Variants in MBD5 observed in about 807,000 individuals in gnomAD.
The protein encoded by MBD5 is methyl-CpG-binding domain protein 5.
A neutral mutation model predicts 117.3 loss-of-function variants in MBD5; 13 were observed. That is an observed-to-expected ratio of 0.11 (90% CI 0.07 to 0.18). MBD5 has a LOEUF of 0.18. MBD5 is among the 10% of genes least tolerant of loss of function. The pLI, the probability that MBD5 is intolerant of heterozygous loss-of-function variation, is 1.00. For synonymous variants in MBD5, 727 were observed against 766.4 expected, an observed-to-expected ratio of 0.95 and a Z score of 0.85; for missense variants, 1,879 against 2,093.8, an observed-to-expected ratio of 0.90 and a Z score of 2.00.
chr2:148,461,887 G>A (rs146928559), intron 5 of MBD5, among the ~76,000 whole-genome samples: 121 of 152,254 alleles, frequency 7.9e-4, no homozygotes, highest in African/African-American at 2.8e-3. Flanking sequence ...CCGAAGACCT[G>A]CGAGGCACAT....
chr2:148,102,788 A>C (rs1696266326), intron 1 of MBD5, among the ~76,000 whole-genome samples: 2 of 147,802 alleles, frequency 1.4e-5, no homozygotes, highest in Non-Finnish European at 3.0e-5. Context: ...AGAGATCCAA[A>C]TCGTTTGTAT....
At chr2:148,409,729 T>G (rs1448224008) in intron 4 of MBD5, among the ~76,000 whole-genome samples, 1 of 152,222 alleles carries the variant, frequency 6.6e-6, no homozygotes, top group African/African-American at 2.4e-5. Context: ...CAAGGTATTT[T>G]GTGTTAAAGG....
rs1013683238 is a variant in MBD5, at chr2:148,086,291, G to C, written c.-925+64607G>C. 5.9e-5 allele frequency among the ~76,000 whole-genome samples: 9 copies of C among 152,014 alleles called. No homozygotes were observed. The East Asian group carries it at 1.7e-3, about 29-fold the overall frequency. On this transcript the variant is annotated intron_variant, in intron 1 of 13. Coordinates refer to ENST00000642680, the MANE Select transcript of MBD5 (RefSeq NM_001378120.1). The stretch of plus-strand genomic sequence containing the variant: ...ATTAGTAGTATAGTCATGTGACTCT[G>C]GAGTCACATATTTTGTAACTGTTAA...
rs112974582 is a variant in MBD5, at chr2:148,187,306, AC to A, written c.-831+8521del. Among the ~76,000 whole-genome samples the A allele has an allele frequency of 7.1e-5, 10 of 141,114 alleles. No homozygotes were observed. In the East Asian group the frequency reaches 1.0e-3, roughly 15 times the overall value. 92.6% of individuals were successfully genotyped at this position (141,114 alleles called of 152,430 possible). On this transcript the variant is annotated intron_variant, in intron 2 of 13. Coordinates refer to ENST00000642680, the MANE Select transcript of MBD5 (RefSeq NM_001378120.1). Reference sequence around the variant, plus strand: ...AACTGAACCCTCCCCCTTCCTCCATACCCCCCCCAAAAAAAAAACCCAGCAC... The same window carrying A: ...AACTGAACCCTCCCCCTTCCTCCATACCCCCCCAAAAAAAAAACCCAGCAC...
At chr2:148,170,092 T>G (rs1336767006) in intron 1 of MBD5, among the ~76,000 whole-genome samples, 1 of 152,000 alleles carries the variant, frequency 6.6e-6, no homozygotes, top group Non-Finnish European at 1.5e-5. Flanking sequence ...AGAGACGGGG[T>G]TTCACCGTTT....
chr2:148,278,230 C>G (rs1701160637), intron 3 of MBD5, among the ~76,000 whole-genome samples: 1 of 152,044 alleles, frequency 6.6e-6, no homozygotes, highest in South Asian at 2.1e-4. Flanking sequence ...GATCAGAGGG[C>G]TGGTTTATAT....
At chr2:148,309,057 C>A (rs1701965515) in intron 3 of MBD5, among the ~76,000 whole-genome samples, 1 of 152,026 alleles carries the variant, frequency 6.6e-6, no homozygotes, top group Non-Finnish European at 1.5e-5. Flanking sequence ...GTTGCTGTAG[C>A]CTTGTTGTAT....
rs774519380 is a variant in MBD5, at chr2:148,469,736, A to G, written c.1793A>G (p.Asn598Ser). The G allele has an allele frequency of 6.2e-6, 10 of 1,613,876 alleles. No homozygotes were observed. In the East Asian group the frequency reaches 1.8e-4, roughly 29 times the overall value. The change falls in exon 8 of 14, where the codon AAC becomes AGC. Residue 598 changes from asparagine to serine, a missense_variant. Coordinates refer to ENST00000642680, the MANE Select transcript of MBD5 (RefSeq NM_001378120.1). Reference sequence around the variant, plus strand: ...AATCAAAACAAACTTGCTGGTAACAACAGTAGCAGCAGTAGCAATTCTGGA... The same window carrying G: ...AATCAAAACAAACTTGCTGGTAACAGCAGTAGCAGCAGTAGCAATTCTGGA... ...LANQNKLAGN[N>S]SSSSSNSGAV...
chr2:148,345,344 TACATATACACATATAC>T (rs76473074), intron 4 of MBD5, among the ~76,000 whole-genome samples: 1 of 149,400 alleles, frequency 6.7e-6, no homozygotes, highest in East Asian at 2.0e-4. Flanking sequence ...TATACACATA[TACATATACACATATAC>T]ACATATACAT....
chr2:148,081,836 T>A (rs1417585261), intron 1 of MBD5, among the ~76,000 whole-genome samples: 1 of 152,184 alleles, frequency 6.6e-6, no homozygotes, highest in Non-Finnish European at 1.5e-5. Flanking sequence ...TATGGTTTTG[T>A]GGGAGAAATT....
At chr2:148,496,388 A>G (rs1427827367) in intron 11 of MBD5, among the ~76,000 whole-genome samples, 1 of 152,268 alleles carries the variant, frequency 6.6e-6, no homozygotes, top group Non-Finnish European at 1.5e-5. Context: ...TAAGCTGAGT[A>G]AAAGAACTGT....
intron 2 of MBD5, among the ~76,000 whole-genome samples, chr2:148,209,903 C>T (rs1467680579): frequency 1.3e-5 from 2 of 152,148 alleles, no homozygotes; most frequent in Non-Finnish European, 2.9e-5. Context: ...TATTTGTCCC[C>T]ATGATCCAAA....
intron 12 of MBD5, among the ~76,000 whole-genome samples, chr2:148,503,616 C>A (rs1170757434): frequency 6.6e-6 from 1 of 152,196 alleles, no homozygotes; most frequent in African/African-American, 2.4e-5. Flanking sequence ...CTGCAAGGGG[C>A]AAACTCCTAT....
intron 1 of MBD5, among the ~76,000 whole-genome samples, chr2:148,135,433 CTTTA>C (rs1276022409): frequency 1.3e-5 from 2 of 152,080 alleles, no homozygotes; most frequent in Non-Finnish European, 2.9e-5. Flanking sequence ...AGACAACATA[CTTTA>C]TTTAACTATT....
intron 1 of MBD5, among the ~76,000 whole-genome samples, chr2:148,164,107 C>T (rs527278350): frequency 1.3e-5 from 2 of 152,266 alleles, no homozygotes; most frequent in South Asian, 4.2e-4. Context: ...CACAAACAGT[C>T]CTACTAGGTA....
At chr2:148,292,187 C>A (rs1022901321) in intron 3 of MBD5, among the ~76,000 whole-genome samples, 1 of 152,142 alleles carries the variant, frequency 6.6e-6, no homozygotes, top group African/African-American at 2.4e-5. Context: ...CCCATGAGCA[C>A]AGGCAGCCAA....
At chr2:148,212,797 AT>A (rs1194767073) in intron 2 of MBD5, among the ~76,000 whole-genome samples, 1 of 152,314 alleles carries the variant, frequency 6.6e-6, no homozygotes, top group African/African-American at 2.4e-5. Context: ...CTAGGTAAAC[AT>A]TCACTAGACC....
At chr2:148,053,902 CTTTTTTTCT>C (rs1694785759) in intron 1 of MBD5, 1 of 125,690 alleles carries the variant, frequency 8.0e-6, no homozygotes, top group Non-Finnish European at 1.7e-5. Context: ...ATCTTTCTTT[CTTTTTTTCT>C]TTTTTTTTTT....
chr2:148,136,550 T>C (rs536653040), intron 1 of MBD5, among the ~76,000 whole-genome samples: 11 of 152,308 alleles, frequency 7.2e-5, no homozygotes, highest in African/African-American at 2.4e-4. Flanking sequence ...AAATCTTTGG[T>C]CATATAGCTG....
Sources: gnomAD v4.1 joint callset for allele counts (sites outside exome capture counted in the v4.1 genomes callset) on GRCh38, gnomAD v4.1.1 for gene constraint, MANE v1.5 for transcripts, NCBI Gene and HGNC (gene_info 2026-07-23, HGNC 2026-07-21) for gene names.